The following ARHGAP6 variants were observed in gnomAD, a reference collection of about 807,000 sequenced individuals.
ARHGAP6 encodes Rho GTPase activating protein 6.
ARHGAP6 carries 16 observed loss-of-function variants against 55.7 expected under a neutral mutation model. The observed-to-expected ratio is 0.29, with a 90% CI of 0.19 to 0.44. ARHGAP6 has a LOEUF of 0.44. ARHGAP6 is among the 20% of genes least tolerant of loss of function. ARHGAP6 has a pLI of 1.00. For synonymous variants in ARHGAP6, 382 were observed against 360.9 expected (o/e 1.06, Z -0.66); for missense variants, 698 against 808.9 (o/e 0.86, Z 1.66).
intron 1 of ARHGAP6, among the ~76,000 whole-genome samples, chrX:11,436,907 A>C (rs1180901888): frequency 9.1e-6 from 1 of 110,248 alleles, no homozygotes; most frequent in Non-Finnish European, 1.9e-5. Context: ...GGATAGCTAA[A>C]GGGTACAGTG....
chrX:11,319,183 A>G (rs1035470831), intron 1 of ARHGAP6, among the ~76,000 whole-genome samples: 4 of 111,804 alleles, frequency 3.6e-5, no homozygotes, highest in African/African-American at 1.3e-4. Flanking sequence ...TCTCTCTCAA[A>G]ATATCTGTAT....
chrX:11,537,050 G>A (rs1434771273), intron 1 of ARHGAP6, among the ~76,000 whole-genome samples: 1 of 112,005 alleles, frequency 8.9e-6, no homozygotes, highest in Admixed American at 9.5e-5. Flanking sequence ...CTCAATACTT[G>A]TTCTCTTCTT....
At chrX:11,522,275 A>C (rs983326018) in intron 1 of ARHGAP6, among the ~76,000 whole-genome samples, 5 of 111,498 alleles carry the variant, frequency 4.5e-5, no homozygotes, top group African/African-American at 6.5e-5. Context: ...TGCCCACAAG[A>C]GAAAGCAGGA....
intron 1 of ARHGAP6, chrX:11,367,677 A>G (rs1427050397): frequency 3.4e-6 from 1 of 297,630 alleles, no homozygotes; most frequent in Non-Finnish European, 4.5e-6. Context: ...ATATCATAAG[A>G]ACATTGATGG....
intron 1 of ARHGAP6, among the ~76,000 whole-genome samples, chrX:11,347,491 A>G (rs2048804154): frequency 1.8e-5 from 2 of 112,308 alleles, no homozygotes; most frequent in African/African-American, 3.2e-5. Flanking sequence ...GTAATAAAAC[A>G]GAGAGTGCAG....
At chrX:11,518,381 C>T (rs770292848) in intron 1 of ARHGAP6, among the ~76,000 whole-genome samples, 17 of 109,662 alleles carry the variant, frequency 1.6e-4, no homozygotes, top group African/African-American at 5.3e-4. Flanking sequence ...TGGCTTCAAG[C>T]GATTTTCCTG....
intron 1 of ARHGAP6, among the ~76,000 whole-genome samples, chrX:11,407,097 AT>A (rs2049619688): frequency 9.0e-6 from 1 of 111,601 alleles, no homozygotes; most frequent in Non-Finnish European, 1.9e-5. Context: ...ATTTTAGAAT[AT>A]TTTTATCACC....
rs1226700911 is a variant in ARHGAP6 at position 11,231,126 on chromosome X, A to G, written c.748+23422T>C. On this transcript the variant is annotated intron_variant, in intron 2 of 12. Transcript: ENST00000337414. ...GATATCAGAAACAAGTCGCACTAAAACAAACGTAAAGATACACTTTTCTCA... is the reference window on the plus strand; with the variant it reads ...GATATCAGAAACAAGTCGCACTAAAGCAAACGTAAAGATACACTTTTCTCA... 6.2e-5 allele frequency among the ~76,000 whole-genome samples: 7 copies of G among 112,448 alleles called. No homozygotes were observed. In the Admixed American group the frequency reaches 6.6e-4, roughly 11 times the overall value.
At chrX:11,379,434 T>C (rs1422125872) in intron 1 of ARHGAP6, among the ~76,000 whole-genome samples, 2 of 112,132 alleles carry the variant, frequency 1.8e-5, no homozygotes, top group African/African-American at 6.5e-5. Context: ...TGGTCACTGT[T>C]GTATTTGGCA....
At chrX:11,279,776 A>G (rs1156935673) in intron 1 of ARHGAP6, among the ~76,000 whole-genome samples, 2 of 111,437 alleles carry the variant, frequency 1.8e-5, no homozygotes, top group Non-Finnish European at 3.8e-5. Flanking sequence ...TTTAATCTCA[A>G]CAACAACCAA....
At chrX:11,616,009 G>GT (rs1410625158) in intron 1 of ARHGAP6, among the ~76,000 whole-genome samples, 1 of 111,808 alleles carries the variant, frequency 8.9e-6, no homozygotes, top group Non-Finnish European at 1.9e-5. Flanking sequence ...TTGGCCCACA[G>GT]TGTAGCAGTG....
chrX:11,512,118 G>A (rs1366393275), intron 1 of ARHGAP6, among the ~76,000 whole-genome samples: 4 of 111,651 alleles, frequency 3.6e-5, no homozygotes, highest in East Asian at 2.8e-4. Flanking sequence ...GAGCCACCAC[G>A]CGTTTTCTTT....
intron 1 of ARHGAP6, among the ~76,000 whole-genome samples, chrX:11,520,313 T>C (rs1190419134): frequency 9.8e-6 from 1 of 102,084 alleles, no homozygotes; most frequent in African/African-American, 3.6e-5. Context: ...CCCTCCCCCT[T>C]CCCCCACCCC....
chrX:11,619,181 C>T (rs1192583197), intron 1 of ARHGAP6, among the ~76,000 whole-genome samples: 2 of 111,975 alleles, frequency 1.8e-5, no homozygotes, highest in Non-Finnish European at 3.8e-5. Context: ...TGGCTAGCTA[C>T]CAAAATTAAA....
chrX:11,503,376 C>T (rs902199631), intron 1 of ARHGAP6, among the ~76,000 whole-genome samples: 3 of 111,816 alleles, frequency 2.7e-5, no homozygotes, highest in Non-Finnish European at 5.6e-5. Context: ...ACTGCACATT[C>T]CTCGACTGTG....
intron 1 of ARHGAP6, chrX:11,298,587 C>T (rs1383091770): frequency 2.5e-6 from 3 of 1,211,429 alleles, no homozygotes; most frequent in Non-Finnish European, 3.4e-6. Context: ...TGGATGGCTG[C>T]ACCACCAAAT....
At chrX:11,584,366 T>A (rs2051700996) in intron 1 of ARHGAP6, among the ~76,000 whole-genome samples, 1 of 112,162 alleles carries the variant, frequency 8.9e-6, no homozygotes, top group South Asian at 3.7e-4. Context: ...TGAAAACTAA[T>A]GTCAGCCACT....
intron 1 of ARHGAP6, among the ~76,000 whole-genome samples, chrX:11,527,482 C>T (rs1466362109): frequency 2.7e-5 from 3 of 111,442 alleles, no homozygotes; most frequent in Non-Finnish European, 5.7e-5. Context: ...TGTGGTGGCA[C>T]ACGCCTATAG....
At chrX:11,179,910 T>G (rs2046292013) in intron 6 of ARHGAP6, among the ~76,000 whole-genome samples, 1 of 108,782 alleles carries the variant, frequency 9.2e-6, no homozygotes, top group African/African-American at 3.3e-5. Flanking sequence ...GCTATAAATG[T>G]GGGAGGGAGG....
Sources: gnomAD v4.1 joint callset for allele counts (sites outside exome capture counted in the v4.1 genomes callset) on GRCh38, gnomAD v4.1.1 for gene constraint, MANE v1.5 for transcripts, NCBI Gene and HGNC (gene_info 2026-07-23, HGNC 2026-07-21) for gene names.